The following PDZD2 variants were observed in gnomAD, a reference collection of about 807,000 sequenced individuals.
The protein encoded by PDZD2 is PDZ domain containing 2.
PDZD2 carries 90 observed loss-of-function variants against 220.7 expected under a neutral mutation model. The ratio of observed to expected loss-of-function variants is 0.41; its 90% confidence interval spans 0.34 to 0.49. The LOEUF is 0.49. Ranked by LOEUF, PDZD2 falls within the 20% of genes least tolerant of loss-of-function variation. The probability of loss-of-function intolerance (pLI) is 0.28; values close to 1 mark genes in which losing one functional copy is unlikely to be tolerated. For missense variants in PDZD2, 3,174 were observed against 3,608.5 expected, an observed-to-expected ratio of 0.88 and a Z score of 3.08; for synonymous variants, 1,375 against 1,450.5, an observed-to-expected ratio of 0.95 and a Z score of 1.18.
chr5:32,073,867 C>T lies in PDZD2; in HGVS notation c.2761C>T (p.Leu921Phe). 1 of 1,613,674 alleles carries T rather than the reference C, an allele frequency of 6.2e-7. No homozygotes were observed. Among genetic ancestry groups the T allele is most frequent in the East Asian group, 2.2e-5 (1 of 44,876 alleles). Residue 921 changes from leucine to phenylalanine, a missense_variant, in exon 18 of 25, where the codon CTC becomes TTC. Coordinates refer to ENST00000438447, the MANE Select transcript of PDZD2 (RefSeq NM_178140.4). ...GCCTGGAAAACCCAGAGCCAACAGC[C>T]TCGTGACTCTTGGGAGCCATCGGGC... Reference protein sequence around the residue: ...KEPGKPRANSLVTLGSHRASG... With the variant: ...KEPGKPRANSFVTLGSHRASG...
At chr5:32,101,391 A>G (rs1441487515) in intron 24 of PDZD2, 152 bp downstream of exon 24, 3 of 735,090 alleles carry the variant, frequency 4.1e-6, no homozygotes, top group Non-Finnish European at 6.6e-6. Context: ...ATGGACATGT[A>G]TTAACTCATG....
intron 3 of PDZD2, among the ~76,000 whole-genome samples, chr5:31,993,474 GT>G (rs1554020757): frequency 6.6e-6 from 1 of 151,942 alleles, no homozygotes; most frequent in South Asian, 2.1e-4. Flanking sequence ...CCCAACATCT[GT>G]TTTTTTTACT....
At chr5:31,963,141 G>T (rs1478389092) in intron 2 of PDZD2, among the ~76,000 whole-genome samples, 1 of 152,174 alleles carries the variant, frequency 6.6e-6, no homozygotes, top group Non-Finnish European at 1.5e-5. Flanking sequence ...AGAGGCCCCA[G>T]CTATTCATGC....
chr5:31,964,924 G>A (rs2111728432), intron 2 of PDZD2, among the ~76,000 whole-genome samples: 1 of 152,150 alleles, frequency 6.6e-6, no homozygotes, highest in African/African-American at 2.4e-5. Context: ...ACACTGTACC[G>A]TGTTAGCCAG....
chr5:31,889,835 C>A (rs1740846763), intron 2 of PDZD2, among the ~76,000 whole-genome samples: 1 of 152,104 alleles, frequency 6.6e-6, no homozygotes, highest in African/African-American at 2.4e-5. Flanking sequence ...GCTTGGCCAA[C>A]ATGGTGAAAC....
chr5:32,027,778 C>A (rs60852811), intron 6 of PDZD2, among the ~76,000 whole-genome samples: 3,316 of 152,300 alleles, frequency 0.022, 122 homozygotes, highest in African/African-American at 0.076. Flanking sequence ...TTATTGTTGT[C>A]CTGATTCCCA....
intron 2 of PDZD2, among the ~76,000 whole-genome samples, chr5:31,807,011 T>G (rs951946253): frequency 6.7e-6 from 1 of 150,242 alleles, no homozygotes; most frequent in Admixed American, 6.7e-5. Context: ...CTCGACTCAC[T>G]GCAACCTCCA....
chr5:31,756,421 T>C (rs1198279673), intron 1 of PDZD2, among the ~76,000 whole-genome samples: 1 of 152,092 alleles, frequency 6.6e-6, no homozygotes, highest in African/African-American at 2.4e-5. Context: ...TGTGAGTAAT[T>C]AAATAAAAGG....
intron 1 of PDZD2, among the ~76,000 whole-genome samples, chr5:31,673,323 C>A: frequency 1.3e-5 from 2 of 152,142 alleles, no homozygotes; most frequent in East Asian, 3.9e-4. Flanking sequence ...TTCCCCATTT[C>A]ATGTTTGTAT....
chr5:32,109,590 G>C lies in PDZD2; in HGVS notation c.*1455G>C, dbSNP rs189793500. On this transcript the variant is annotated 3_prime_UTR_variant, in exon 25 of 25. Coordinates refer to ENST00000438447, the MANE Select transcript of PDZD2 (RefSeq NM_178140.4). ...AGAAACAGGGTGAGTCAAGGTAAAGGAGCAGAAATGTAGTTACAAGCCAGG... is the reference window on the plus strand; with the variant it reads ...AGAAACAGGGTGAGTCAAGGTAAAGCAGCAGAAATGTAGTTACAAGCCAGG... The C allele has an allele frequency of 1.3e-5, 2 of 152,208 alleles. No individual in the cohort carries two copies. The highest frequency in any genetic ancestry group is 4.8e-5 in the African/African-American group (2 of 41,428). The allele number at this position is 152,208 out of a possible 1,614,324, so 9.4% of individuals were successfully genotyped here.
intron 2 of PDZD2, among the ~76,000 whole-genome samples, chr5:31,865,698 A>G (rs1470203831): frequency 5.2e-5 from 7 of 135,150 alleles, no homozygotes; most frequent in African/African-American, 2.1e-4. Flanking sequence ...CAGTGGCGCA[A>G]TCTCGTCTCA....
At chr5:31,667,431 G>T (rs1230800313) in intron 1 of PDZD2, among the ~76,000 whole-genome samples, 1 of 151,952 alleles carries the variant, frequency 6.6e-6, no homozygotes, top group Non-Finnish European at 1.5e-5. Context: ...GTGGAACTAG[G>T]TGCTTCCGGA....
At chr5:31,987,598 G>A (rs1002942091) in intron 3 of PDZD2, among the ~76,000 whole-genome samples, 4 of 152,138 alleles carry the variant, frequency 2.6e-5, no homozygotes, top group Admixed American at 6.5e-5. Flanking sequence ...TCTCTCCTGA[G>A]CCCCTGAGTT....
chr5:31,799,681 C>G lies in PDZD2; in HGVS notation c.433C>G (p.Leu145Val). ...CCGACTGCGGGATGAGATCCTCTCA[C>G]TGAATGGGCAGCTGATGGTTGGAGT... ...KVRLRDEILS[L>V]NGQLMVGVDV... is the part of the protein sequence containing the mutation. Residue 145 changes from leucine (L) to valine (V), a missense_variant, in exon 2 of 25, where the codon CTG becomes GTG. Around this residue, in one of 4 missense-constraint regions of PDZD2, gnomAD observed 632 missense variants for 708.1 expected, o/e 0.89. Coordinates refer to ENST00000438447, the MANE Select transcript of PDZD2 (RefSeq NM_178140.4). 6.2e-7 allele frequency: 1 copy of G among 1,613,936 alleles called. No homozygotes were observed. Among genetic ancestry groups the G allele is most frequent in the Non-Finnish European group, 8.5e-7 (1 of 1,179,922 alleles).
In PDZD2 at chr5:31,799,658, G is replaced by T. The variant is rs750027439; in HGVS notation, c.410G>T (p.Arg137Leu). ...CCAGCAGGGAAGAGTGGGAAGGTCCGACTGCGGGATGAGATCCTCTCACTG... is the reference window on the plus strand; with the variant it reads ...CCAGCAGGGAAGAGTGGGAAGGTCCTACTGCGGGATGAGATCCTCTCACTG... ...NSPAGKSGKV[R>L]LRDEILSLNG... is the part of the protein sequence containing the mutation. Residue 137 changes from arginine (R) to leucine (L), a missense_variant, in exon 2 of 25, where the codon CGA becomes CTA. Physicochemically the swap from Arg to Leu is moderately radical, Grantham distance 102. This residue lies in a region of PDZD2 where 632 missense variants were observed against 708.1 expected (regional missense o/e 0.89). Transcript: ENST00000438447. 11 of 1,614,112 alleles carry T rather than the reference G, an allele frequency of 6.8e-6. No homozygotes were observed. Among genetic ancestry groups the T allele is most frequent in the Non-Finnish European group, 9.3e-6 (11 of 1,180,000 alleles).
intron 1 of PDZD2, among the ~76,000 whole-genome samples, chr5:31,655,551 G>A (rs1468262461): frequency 2.0e-4 from 9 of 45,972 alleles, no homozygotes; most frequent in African/African-American, 6.5e-4. Flanking sequence ...TAAAATCTAT[G>A]AGGGTATTTT....
chr5:32,000,277 T>A lies in PDZD2; in HGVS notation c.1254+6T>A. The A allele has an allele frequency of 6.2e-7, 1 of 1,613,980 alleles. No individual in the cohort carries two copies. The highest frequency in any genetic ancestry group is 8.5e-7 in the Non-Finnish European group (1 of 1,179,968). On this transcript the variant is annotated splice_donor_region_variant and intron_variant, in intron 5 of 24. Transcript: ENST00000438447. The surrounding 1 kb of genome is among the most constrained non-coding windows in gnomAD (Gnocchi z 4.5). ...AGCTTGTGGTGGCCAGCAAGGTAGG[T>A]CGTGTTTGTTTTTTGGTACTCGTAA...
intron 2 of PDZD2, among the ~76,000 whole-genome samples, chr5:31,806,150 C>T (rs1285912643): frequency 4.6e-5 from 7 of 152,244 alleles, no homozygotes; most frequent in South Asian, 2.1e-4. Context: ...ATTTCCTCCC[C>T]GACACTGGAC....
At chr5:31,641,649 C>A (rs1160968874) in intron 1 of PDZD2, among the ~76,000 whole-genome samples, 2 of 151,820 alleles carry the variant, frequency 1.3e-5, no homozygotes, top group East Asian at 3.9e-4. Flanking sequence ...GTTACCACAA[C>A]CAGATAATTT....
Sources: allele counts gnomAD v4.1 joint callset (sites outside exome capture counted in the v4.1 genomes callset), GRCh38; gene constraint gnomAD v4.1.1; regional missense constraint gnomAD v4.1.1; non-coding constraint Gnocchi (gnomAD v3.1); transcripts MANE v1.5; gene names NCBI Gene and HGNC (gene_info 2026-07-23, HGNC 2026-07-21).